The following TENM4 variants were observed in gnomAD, a reference collection of about 807,000 sequenced individuals.
TENM4 encodes teneurin-4.
Under a neutral mutation model 243.3 loss-of-function variants are expected in TENM4, and 82 were observed. The observed-to-expected ratio is 0.34, with a 90% CI of 0.28 to 0.40. The LOEUF is 0.40. TENM4 is among the 10% of genes least tolerant of loss of function. The probability of loss-of-function intolerance (pLI) is 1.00; values close to 1 mark genes in which losing one functional copy is unlikely to be tolerated. For synonymous variants in TENM4, 1,412 were observed against 1,456.3 expected (o/e 0.97, Z 0.69); for missense variants, 3,138 against 3,673.3 (o/e 0.85, Z 3.77).
intron 6 of TENM4, among the ~76,000 whole-genome samples, chr11:78,915,672 G>A (rs922066166): frequency 1.3e-5 from 2 of 152,162 alleles, no homozygotes; most frequent in Admixed American, 1.3e-4. Context: ...GAATCTCAAG[G>A]CTCCTGCAGG....
chr11:79,344,055 T>C (rs1463668174), intron 1 of TENM4, among the ~76,000 whole-genome samples: 1 of 152,208 alleles, frequency 6.6e-6, no homozygotes. Flanking sequence ...CATTCTCCTA[T>C]CAATGAAGCA....
chr11:78,670,458 G>A lies in TENM4; in HGVS notation c.5887C>T (p.Arg1963Trp), dbSNP rs372515689. ...LSSVTMPNVA[R>W]QTLETIRSVG... The stretch of plus-strand genomic sequence containing the variant: ...GAGCGGATGGTCTCTAGTGTCTGCC[G>A]CGCCACGTTGGGCATCGTCACAGAA... The change falls in exon 32 of 34, where the codon CGG becomes TGG. Residue 1963 changes from arginine to tryptophan, a missense_variant. By Grantham distance (101) the Arg-to-Trp change is moderately radical. This residue lies in a region of TENM4 where 2,467 missense variants were observed against 3,059.1 expected (regional missense o/e 0.81). Coordinates refer to ENST00000278550, the MANE Select transcript of TENM4 (RefSeq NM_001098816.3). 3.1e-4 allele frequency: 495 copies of A among 1,613,850 alleles called. No individual in the cohort carries two copies. Among genetic ancestry groups the A allele is most frequent in the Non-Finnish European group, 3.7e-4 (437 of 1,179,904 alleles).
intron 6 of TENM4, among the ~76,000 whole-genome samples, chr11:79,026,264 A>G (rs190247008): frequency 6.6e-6 from 1 of 152,224 alleles, no homozygotes; most frequent in Non-Finnish European, 1.5e-5. Context: ...AACAGTGATT[A>G]CAGTAAAACC....
intron 6 of TENM4, among the ~76,000 whole-genome samples, chr11:78,981,878 C>T (rs1857802940): frequency 6.6e-6 from 1 of 152,104 alleles, no homozygotes; most frequent in African/African-American, 2.4e-5. Context: ...CTAAGTAAGA[C>T]TGTGCTGCTC....
chr11:79,290,811 CAG>C (rs1856342885), intron 2 of TENM4, among the ~76,000 whole-genome samples: 1 of 152,146 alleles, frequency 6.6e-6, no homozygotes. Context: ...TGACACCAAA[CAG>C]GGAAAGATGT....
intron 12 of TENM4, among the ~76,000 whole-genome samples, chr11:78,847,625 C>T (rs571572226): frequency 6.6e-6 from 1 of 152,220 alleles, no homozygotes; most frequent in Non-Finnish European, 1.5e-5. Context: ...TCACAGGGTG[C>T]TTTTCCAAAG....
chr11:79,370,476 G>C (rs1857760380), intron 1 of TENM4, among the ~76,000 whole-genome samples: 1 of 152,114 alleles, frequency 6.6e-6, no homozygotes, highest in Non-Finnish European at 1.5e-5. Flanking sequence ...CACCCCTGAA[G>C]TTCAGAAAAA....
rs144095667 is a variant in TENM4, at chr11:78,690,930, C to T, written c.5088-2704G>A. The stretch of plus-strand genomic sequence containing the variant: ...ACTGTCTATTTTCCTGACCTAACCA[C>T]ATGAAAAAGATTTTATTATACCATG... On this transcript the variant is annotated intron_variant, in intron 28 of 33. Transcript: ENST00000278550. Among the ~76,000 whole-genome samples the T allele has an allele frequency of 4.3e-4, 65 of 152,302 alleles. No individual in the cohort carries two copies. In the East Asian group the frequency reaches 8.9e-3, roughly 21 times the overall value.
chr11:79,311,026 T>C (rs550467837), intron 1 of TENM4, among the ~76,000 whole-genome samples: 10 of 152,268 alleles, frequency 6.6e-5, no homozygotes, highest in African/African-American at 2.2e-4. Context: ...AGTCTTCAGG[T>C]TAATTCATTC....
rs1856684064 is a variant in TENM4 at position 79,309,552 on chromosome 11, T to A, written c.-320-12009A>T. ...AGCACATCAAGGTAAACAGAGACATTCCCAGGGTGTGTACTGTAGGCAATT... is the reference window on the plus strand; with the variant it reads ...AGCACATCAAGGTAAACAGAGACATACCCAGGGTGTGTACTGTAGGCAATT... On this transcript the variant is annotated intron_variant, in intron 1 of 33. Coordinates refer to ENST00000278550, the MANE Select transcript of TENM4 (RefSeq NM_001098816.3). 2.0e-5 allele frequency among the ~76,000 whole-genome samples: 3 copies of A among 152,158 alleles called. No individual in the cohort carries two copies. In the South Asian group the frequency reaches 6.2e-4, roughly 32 times the overall value.
chr11:79,296,000 T>C (rs1200357191), intron 2 of TENM4, among the ~76,000 whole-genome samples: 1 of 151,554 alleles, frequency 6.6e-6, no homozygotes, highest in Non-Finnish European at 1.5e-5. Flanking sequence ...TCATGTACAT[T>C]ACAGCATTCT....
intron 6 of TENM4, chr11:79,064,464 C>A (rs1382451101): frequency 8.9e-6 from 4 of 449,772 alleles, no homozygotes; most frequent in Non-Finnish European, 1.6e-5. Context: ...CCTCTCTGCT[C>A]CCCTGCACAC....
At position 79,185,892 on chromosome 11, in the gene TENM4, T is replaced by C. The variant is rs187901464; in HGVS notation, c.-163+29916A>G. Among the ~76,000 whole-genome samples, 125 of 152,336 alleles carry C rather than the reference T, an allele frequency of 8.2e-4. 1 individual carries two copies. Among genetic ancestry groups the C allele is most frequent in the Non-Finnish European group, 1.5e-3 (99 of 68,038 alleles). ...GAGGTAATGTTCATAACGACAATGA[T>C]GATGATAATGCAGTTATCCCCAAGT... is the stretch of plus-strand genomic sequence containing the variant. On this transcript the variant is annotated intron_variant, in intron 3 of 33. Transcript: ENST00000278550.
In TENM4 at chr11:79,221,541, C is replaced by T. The variant is rs114808071; in HGVS notation, c.-264-5632G>A. On this transcript the variant is annotated intron_variant, in intron 2 of 33. Coordinates refer to ENST00000278550, the MANE Select transcript of TENM4 (RefSeq NM_001098816.3). ...AGAAGAGCATCTCCTTCAGAGAGCA[C>T]GTCAGTGAGGTGGAAAAATCTGGAA... Among the ~76,000 whole-genome samples the T allele has an allele frequency of 2.4e-3, 370 of 151,956 alleles. 1 individual carries two copies. The highest frequency in any genetic ancestry group is 8.3e-3 in the African/African-American group (344 of 41,448).
chr11:78,780,505 A>G (rs968874355), intron 16 of TENM4, among the ~76,000 whole-genome samples: 1 of 151,884 alleles, frequency 6.6e-6, no homozygotes, highest in African/African-American at 2.4e-5. Context: ...TTTTTTTCCC[A>G]GGGATGGCTA....
At chr11:78,909,300 G>T (rs1591120885) in intron 6 of TENM4, among the ~76,000 whole-genome samples, 2 of 152,120 alleles carry the variant, frequency 1.3e-5, no homozygotes, top group African/African-American at 4.8e-5. Context: ...TTTACTACTT[G>T]CCGGATACTT....
At chr11:79,213,603 C>T (rs968599725) in intron 3 of TENM4, among the ~76,000 whole-genome samples, 4 of 152,114 alleles carry the variant, frequency 2.6e-5, no homozygotes, top group East Asian at 1.9e-4. Flanking sequence ...GGACCAACTA[C>T]GTGGAAGGCC....
chr11:79,216,542 T>C (rs776314940), intron 2 of TENM4, among the ~76,000 whole-genome samples: 12 of 152,084 alleles, frequency 7.9e-5, no homozygotes, highest in African/African-American at 2.9e-4. Flanking sequence ...TGTTGGGAGG[T>C]AGGGATTAAT....
intron 6 of TENM4, among the ~76,000 whole-genome samples, chr11:78,963,796 A>G (rs1406577006): frequency 1.3e-5 from 2 of 150,152 alleles, no homozygotes; most frequent in Non-Finnish European, 3.0e-5. Flanking sequence ...CAGTGGCACA[A>G]TCTTGGCTCA....
Sources: allele counts gnomAD v4.1 joint callset (sites outside exome capture counted in the v4.1 genomes callset), GRCh38; gene constraint gnomAD v4.1.1; regional missense constraint gnomAD v4.1.1; transcripts MANE v1.5; gene names NCBI Gene and HGNC (gene_info 2026-07-23, HGNC 2026-07-21).